Variants in LINGO2 observed in about 807,000 individuals in gnomAD.
LINGO2 encodes the protein leucine rich repeat and Ig domain containing 2.
LINGO2 carries 14 observed loss-of-function variants against 30.6 expected under a neutral mutation model. The observed-to-expected ratio is 0.46, with a 90% confidence interval of 0.30 to 0.72. The LOEUF is 0.72. Ranked by LOEUF, LINGO2 falls within the 30% of genes least tolerant of loss-of-function variation. LINGO2 has a pLI of 0.07. For missense variants in LINGO2, 729 were observed against 751.7 expected (o/e 0.97, Z 0.35); for synonymous variants, 317 against 288.5 (o/e 1.10, Z -1.00).
At chr9:28,076,122 A>G (rs1265148955) in intron 4 of LINGO2, among the ~76,000 whole-genome samples, 1 of 152,072 alleles carries the variant, frequency 6.6e-6, no homozygotes, top group Non-Finnish European at 1.5e-5. Context: ...TTTAAAATCA[A>G]TCTTTAAAAT....
At chr9:28,901,180 T>C in the LINGO2 span, among the ~76,000 whole-genome samples, 3 of 152,060 alleles carry the variant, frequency 2.0e-5, no homozygotes, top group African/African-American at 7.2e-5. Flanking sequence ...AAAGTACTAA[T>C]GAAAAAACTC....
At chr9:28,421,561 G>T (rs1256085695) in intron 2 of LINGO2, among the ~76,000 whole-genome samples, 6 of 151,436 alleles carry the variant, frequency 4.0e-5, no homozygotes, top group Non-Finnish European at 7.4e-5. Context: ...TGGTAAACAT[G>T]GGGGATTAGT....
chr9:29,134,102 T>A, the LINGO2 span, among the ~76,000 whole-genome samples: 1 of 152,144 alleles, frequency 6.6e-6, no homozygotes. Flanking sequence ...ATGGTTTGAG[T>A]CAACCTCTAA....
chr9:28,247,828 A>G (rs1206070755), intron 4 of LINGO2, among the ~76,000 whole-genome samples: 1 of 152,216 alleles, frequency 6.6e-6, no homozygotes, highest in Non-Finnish European at 1.5e-5. Context: ...AAAAGAAGAC[A>G]TACAAATGGC....
the LINGO2 span, among the ~76,000 whole-genome samples, chr9:29,013,142 A>G: frequency 3.3e-5 from 5 of 152,202 alleles, no homozygotes; most frequent in African/African-American, 1.2e-4. Context: ...CTTAATACAT[A>G]GAGAGAAAGA....
chr9:28,731,012 C>T, the LINGO2 span, among the ~76,000 whole-genome samples: 1 of 149,514 alleles, frequency 6.7e-6, no homozygotes, highest in Admixed American at 6.6e-5. Context: ...TTTTTTGAAA[C>T]AGAGTTTCAC....
At chr9:28,721,180 G>A in the LINGO2 span, among the ~76,000 whole-genome samples, 1 of 152,118 alleles carries the variant, frequency 6.6e-6, no homozygotes, top group Non-Finnish European at 1.5e-5. Flanking sequence ...GTGAGGCTGT[G>A]GAGAAAAGCA....
intron 4 of LINGO2, among the ~76,000 whole-genome samples, chr9:28,012,905 C>A (rs1822631995): frequency 6.6e-6 from 1 of 152,190 alleles, no homozygotes. Flanking sequence ...TGGACAGCAG[C>A]AGAATCACTT....
chr9:28,761,111 C>G, the LINGO2 span, among the ~76,000 whole-genome samples: 4 of 151,720 alleles, frequency 2.6e-5, no homozygotes, highest in Non-Finnish European at 5.9e-5. Flanking sequence ...TTCTTTTACT[C>G]TGGGTAGATA....
At chr9:28,026,387 G>C (rs558774119) in intron 4 of LINGO2, among the ~76,000 whole-genome samples, 11 of 152,254 alleles carry the variant, frequency 7.2e-5, no homozygotes, top group Middle Eastern at 6.8e-3. Context: ...TTGAACATCA[G>C]AATCACCTGG....
At chr9:28,046,372 C>T (rs117859277) in intron 4 of LINGO2, among the ~76,000 whole-genome samples, 1,717 of 152,206 alleles carry the variant, frequency 0.011, 21 homozygotes, top group Non-Finnish European at 0.017. Flanking sequence ...ACTGGTGGAC[C>T]CCACCCTCAC....
chr9:28,321,198 A>C (rs192108507), intron 3 of LINGO2, among the ~76,000 whole-genome samples: 130 of 152,312 alleles, frequency 8.5e-4, no homozygotes, highest in African/African-American at 3.0e-3. Context: ...CTCCATAACT[A>C]TCTTGAGAAA....
At chr9:28,217,972 G>A (rs1820826772) in intron 4 of LINGO2, among the ~76,000 whole-genome samples, 1 of 151,616 alleles carries the variant, frequency 6.6e-6, no homozygotes, top group South Asian at 2.1e-4. Flanking sequence ...AAAAGAGGAG[G>A]GAGATATATT....
At chr9:29,204,366 T>C in the LINGO2 span, among the ~76,000 whole-genome samples, 12 of 152,328 alleles carry the variant, frequency 7.9e-5, no homozygotes, top group South Asian at 4.1e-4. Flanking sequence ...AATTTCTCAT[T>C]ATGAATTTCA....
At chr9:28,877,360 T>C in the LINGO2 span, among the ~76,000 whole-genome samples, 2 of 151,096 alleles carry the variant, frequency 1.3e-5, no homozygotes, top group African/African-American at 4.9e-5. Context: ...GCCTAGGTTT[T>C]CTTCTAGGGT....
At chr9:28,375,089 A>AACACACACAC (rs137914726) in intron 2 of LINGO2, among the ~76,000 whole-genome samples, 55 of 141,822 alleles carry the variant, frequency 3.9e-4, no homozygotes, top group South Asian at 6.9e-4. Context: ...CACACCCCTT[A>AACACACACAC]ACACACACAC....
At chr9:28,826,945 C>G in the LINGO2 span, among the ~76,000 whole-genome samples, 1 of 152,112 alleles carries the variant, frequency 6.6e-6, no homozygotes, top group African/African-American at 2.4e-5. Flanking sequence ...TTTCTGAGTG[C>G]CATGGATGCT....
At chr9:28,272,796 C>T (rs13298436) in intron 4 of LINGO2, among the ~76,000 whole-genome samples, 51,621 of 151,754 alleles carry the variant, frequency 0.34, 9,195 homozygotes, top group African/African-American at 0.43. Context: ...ACAACAAAAA[C>T]AATCTCCTAC....
chr9:27,987,187 G>A (rs961211098), intron 5 of LINGO2, among the ~76,000 whole-genome samples: 1 of 151,854 alleles, frequency 6.6e-6, no homozygotes, highest in Non-Finnish European at 1.5e-5. Context: ...TTCTCCCATA[G>A]CAAATATTCT....
Sources: allele counts gnomAD v4.1 joint callset (sites outside exome capture counted in the v4.1 genomes callset), GRCh38; gene constraint gnomAD v4.1.1; transcripts MANE v1.5; gene names NCBI Gene and HGNC (gene_info 2026-07-23, HGNC 2026-07-21).